UBE4B: variants seen among roughly 807,000 people sequenced by gnomAD.
UBE4B encodes ubiquitin conjugation factor E4 B.
UBE4B carries 27 observed loss-of-function variants against 148.1 expected under a neutral mutation model. The ratio of observed to expected loss-of-function variants is 0.18; its 90% CI spans 0.13 to 0.25. The LOEUF is 0.25. UBE4B is among the 10% of genes least tolerant of loss of function. The probability of loss-of-function intolerance (pLI) is 1.00; values close to 1 mark genes in which losing one functional copy is unlikely to be tolerated. For synonymous variants in UBE4B, 596 were observed against 619.3 expected (o/e 0.96, Z 0.56); for missense variants, 1,170 against 1,662.4 (o/e 0.70, Z 5.15).
chr1:10,114,079 GAAAA>G (rs1175645933), intron 7 of UBE4B, among the ~76,000 whole-genome samples: 1 of 111,852 alleles, frequency 8.9e-6, no homozygotes, highest in South Asian at 3.2e-4. Context: ...AAAAAAAAAA[GAAAA>G]AAAAAAAAAA....
intron 1 of UBE4B, among the ~76,000 whole-genome samples, chr1:10,058,518 G>A (rs940912748): frequency 6.6e-6 from 1 of 152,150 alleles, no homozygotes; most frequent in Non-Finnish European, 1.5e-5. Context: ...TGAGGCATGG[G>A]GTGCTGGGTG....
At chr1:10,164,362 A>AAAAG (rs918958547) in intron 23 of UBE4B, among the ~76,000 whole-genome samples, 1 of 151,928 alleles carries the variant, frequency 6.6e-6, no homozygotes, top group African/African-American at 2.4e-5. Flanking sequence ...AAGAAAAAAA[A>AAAAG]AAAGAAAGAA....
At chr1:10,069,417 C>G (rs975426625) in intron 1 of UBE4B, among the ~76,000 whole-genome samples, 2 of 152,094 alleles carry the variant, frequency 1.3e-5, no homozygotes, top group Non-Finnish European at 2.9e-5. Context: ...GGTAACTAAG[C>G]AATACACAAA....
At chr1:10,039,058 A>G (rs574090634) in intron 1 of UBE4B, among the ~76,000 whole-genome samples, 1 of 151,858 alleles carries the variant, frequency 6.6e-6, no homozygotes, top group South Asian at 2.1e-4. Flanking sequence ...AGACTCCATC[A>G]AAAAAACAAA....
intron 2 of UBE4B, among the ~76,000 whole-genome samples, chr1:10,079,474 T>A (rs1315360443): frequency 1.3e-5 from 2 of 152,250 alleles, no homozygotes; most frequent in Non-Finnish European, 2.9e-5. Context: ...AATTTACTTT[T>A]AAATGTGTAT....
chr1:10,165,429 C>T lies in UBE4B; in HGVS notation c.3199-2707C>T, dbSNP rs17034554. The stretch of plus-strand genomic sequence containing the variant: ...CCCACTGCTTGGTCTTCAACCTCCA[C>T]TCTTGAGCATGTCCATATCAGGGAT... On this transcript the variant is annotated intron_variant, in intron 23 of 27. Transcript: ENST00000343090. Among the ~76,000 whole-genome samples, 1,314 of 152,264 alleles carry T rather than the reference C, an allele frequency of 8.6e-3. 10 individuals are homozygous for T. Among genetic ancestry groups the T allele is most frequent in the African/African-American group, 0.019 (800 of 41,554 alleles).
At chr1:10,144,856 TGA>T in intron 17 of UBE4B, 82 bp from the exon 18 acceptor site, 1 of 913,526 alleles carries the variant, frequency 1.1e-6, no homozygotes, top group South Asian at 1.6e-5. Context: ...CAACTGCGTG[TGA>T]GAGTCAGTGA....
At chr1:10,104,793 T>C (rs1370295614) in intron 5 of UBE4B, among the ~76,000 whole-genome samples, 2 of 152,162 alleles carry the variant, frequency 1.3e-5, no homozygotes, top group African/African-American at 2.4e-5. Context: ...GTTAAAACTT[T>C]TGTTAAAACA....
At chr1:10,138,488 C>T (rs1454251533) in intron 17 of UBE4B, among the ~76,000 whole-genome samples, 1 of 152,152 alleles carries the variant, frequency 6.6e-6, no homozygotes, top group South Asian at 2.1e-4. Context: ...ACTGCCTCCG[C>T]CTCCCAAAGT....
chr1:10,061,768 T>C (rs1241860650), intron 1 of UBE4B, among the ~76,000 whole-genome samples: 1 of 152,150 alleles, frequency 6.6e-6, no homozygotes. Flanking sequence ...ATCTCTTCAT[T>C]TGGGCTACTC....
chr1:10,095,574 G>A lies in UBE4B; in HGVS notation c.325G>A (p.Asp109Asn), dbSNP rs772776170. The A allele has an allele frequency of 6.2e-7, 1 of 1,614,096 alleles. No individual in the cohort carries two copies. Among genetic ancestry groups the A allele is most frequent in the Non-Finnish European group, 8.5e-7 (1 of 1,180,028 alleles). The change falls in exon 3 of 28, where the codon GAT becomes AAT. Residue 109 changes from aspartate (D) to asparagine (N), a missense_variant. By Grantham distance (23) the Asp-to-Asn change is conservative (BLOSUM62 1). Around this residue, in one of 6 missense-constraint regions of UBE4B, gnomAD observed 127 missense variants for 153.2 expected, o/e 0.83. Transcript: ENST00000343090. ...SLSRSQSMDI[D>N]GVSCEKSMSQ... ...CTCACGTTCCCAGAGCATGGATATCGATGGTGTCTCATGTGAGAAAAGGTA... is the reference window on the plus strand; with the variant it reads ...CTCACGTTCCCAGAGCATGGATATCAATGGTGTCTCATGTGAGAAAAGGTA...
At chr1:10,179,634 G>A (rs1571048146) in intron 27 of UBE4B, 72 bp downstream of exon 27, 2 of 1,587,560 alleles carry the variant, frequency 1.3e-6, no homozygotes, top group African/African-American at 2.7e-5. Context: ...TCACATATTG[G>A]AGATGAAGCA....
At position 10,135,940 on chromosome 1, in the gene UBE4B, A is replaced by G. The variant is rs887535750; in HGVS notation, c.2224+754A>G. ...TAATACTGTTGTTCTCAATAATTCT[A>G]CTTTTCAGGTTATATTCCCAAAGTT... On this transcript the variant is annotated intron_variant, in intron 16 of 27. Coordinates refer to ENST00000343090, the MANE Select transcript of UBE4B (RefSeq NM_001105562.3). 7.2e-5 allele frequency among the ~76,000 whole-genome samples: 11 copies of G among 152,144 alleles called. No homozygotes were observed. The East Asian group carries it at 1.2e-3, about 16-fold the overall frequency.
intron 1 of UBE4B, among the ~76,000 whole-genome samples, chr1:10,062,827 A>C (rs981716621): frequency 1.1e-4 from 17 of 151,542 alleles, no homozygotes; most frequent in African/African-American, 4.1e-4. Context: ...GTGGTGGCAC[A>C]TGCCTGTAAT....
chr1:10,117,487 T>A lies in UBE4B; in HGVS notation c.1225T>A (p.Trp409Arg). Residue 409 changes from tryptophan (W) to arginine (R), a missense_variant, in exon 8 of 28, where the codon TGG becomes AGG. Trp to Arg is a moderately radical substitution (Grantham distance 101). Around this residue, in one of 6 missense-constraint regions of UBE4B, gnomAD observed 388 missense variants for 536.0 expected, o/e 0.72. Transcript: ENST00000343090. ...GGGAGCCTCTGGTGGAGCAAGTAAT[T>A]GGGATTCCTACAGTGACCATTTCAC... Reference protein sequence around the residue: ...SLGASGGASNWDSYSDHFTIE... With the variant: ...SLGASGGASNRDSYSDHFTIE... 6.2e-7 allele frequency: 1 copy of A among 1,612,256 alleles called. No homozygotes were observed. The highest frequency in any genetic ancestry group is 8.5e-7 in the Non-Finnish European group (1 of 1,179,552).
chr1:10,075,588 T>G (rs1050791633), intron 2 of UBE4B, among the ~76,000 whole-genome samples: 1 of 152,236 alleles, frequency 6.6e-6, no homozygotes, highest in African/African-American at 2.4e-5. Flanking sequence ...CCCGGGTACC[T>G]CTATGCTAAG....
intron 19 of UBE4B, 134 bp from the exon 20 acceptor site, chr1:10,149,050 A>G (rs913281762): frequency 1.2e-5 from 7 of 573,678 alleles, no homozygotes; most frequent in African/African-American, 3.9e-5. Flanking sequence ...CTTTGCCTAC[A>G]TATTTATTAC....
chr1:10,158,368 C>T lies in UBE4B; in HGVS notation c.2939C>T (p.Thr980Ile). 1 of 1,614,122 alleles carries T rather than the reference C, an allele frequency of 6.2e-7. No individual in the cohort carries two copies. The highest frequency in any genetic ancestry group is 8.5e-7 in the Non-Finnish European group (1 of 1,180,018). ...CTTTCTTCTTTAGATGTTGAGCATA[C>T]CGGAGCCACCAGTGAGTTTTATGAC... Reference protein sequence around the residue: ...LMKFYTDVEHTGATSEFYDKF... With the variant: ...LMKFYTDVEHIGATSEFYDKF... Residue 980 changes from threonine to isoleucine, a missense_variant, in exon 22 of 28, where the codon ACC becomes ATC. Physicochemically the swap from Thr to Ile is moderately conservative, Grantham distance 89. Around this residue, in one of 6 missense-constraint regions of UBE4B, gnomAD observed 348 missense variants for 627.2 expected, o/e 0.55. Coordinates refer to ENST00000343090, the MANE Select transcript of UBE4B (RefSeq NM_001105562.3).
In UBE4B at chr1:10,094,555, T is replaced by A. The variant is rs186724764; in HGVS notation, c.212-906T>A. On this transcript the variant is annotated intron_variant, in intron 2 of 27. Coordinates refer to ENST00000343090, the MANE Select transcript of UBE4B (RefSeq NM_001105562.3). The stretch of plus-strand genomic sequence containing the variant: ...TTCAAGCAATTCTCCTGCCTCAGCC[T>A]CCTGAGTAGCTGGGACTACAGGCGC... Among the ~76,000 whole-genome samples the A allele has an allele frequency of 4.3e-3, 648 of 151,618 alleles. 4 individuals are homozygous for A. Among genetic ancestry groups the A allele is most frequent in the African/African-American group, 0.015 (611 of 41,290 alleles).
Sources: gnomAD v4.1 joint callset for allele counts (sites outside exome capture counted in the v4.1 genomes callset) on GRCh38, gnomAD v4.1.1 for gene constraint, gnomAD v4.1.1 regional missense constraint, MANE v1.5 for transcripts, NCBI Gene and HGNC (gene_info 2026-07-23, HGNC 2026-07-21) for gene names.